Variants in PNPLA7 observed in about 807,000 individuals in gnomAD.
PNPLA7 encodes patatin-like phospholipase domain-containing protein 7.
Under a neutral mutation model 161.7 loss-of-function variants are expected in PNPLA7, and 153 were observed. The observed-to-expected ratio is 0.95, with a 90% CI of 0.83 to 1.08. PNPLA7 has a LOEUF of 1.08. Among genes scored for constraint, PNPLA7 ranks in the 50% least tolerant of loss-of-function variants. PNPLA7 has a pLI of 0.00. For synonymous variants in PNPLA7, 809 were observed against 782.1 expected (o/e 1.03, Z -0.57); for missense variants, 1,739 against 1,856.6 (o/e 0.94, Z 1.16).
chr9:137,505,519 GTCC>G, intron 14 of PNPLA7, 92 bp downstream of exon 14: 1 of 1,454,802 alleles, frequency 6.9e-7, no homozygotes, highest in South Asian at 1.3e-5. Flanking sequence ...TGCAGCCACT[GTCC>G]TCCACACCTG....
chr9:137,507,923 C>T (rs1309060412), intron 12 of PNPLA7, among the ~76,000 whole-genome samples: 5 of 152,034 alleles, frequency 3.3e-5, no homozygotes, highest in East Asian at 3.9e-4. Context: ...CCAGGTGCAG[C>T]GGCTCATGCC....
chr9:137,511,375 CTGG>C (rs1316734307), intron 12 of PNPLA7, among the ~76,000 whole-genome samples: 2 of 151,394 alleles, frequency 1.3e-5, no homozygotes, highest in Admixed American at 6.6e-5. Context: ...GGACCTTGGC[CTGG>C]TGGTAGCGCC....
chr9:137,472,189 C>T (rs1831736399), intron 25 of PNPLA7, among the ~76,000 whole-genome samples: 1 of 151,986 alleles, frequency 6.6e-6, no homozygotes, highest in South Asian at 2.1e-4. Context: ...TGTTGGGCCA[C>T]TGGATCTGAC....
Position 137,521,560 on chromosome 9 carries a change from G to A in PNPLA7, c.957+76C>T, listed in dbSNP as rs1834991198. On this transcript the variant is annotated intron_variant, in intron 10 of 34. Transcript: ENST00000406427. ...CTGCCCCACCAGGCACTGGGCGCCT[G>A]CCGTGCCAACCAATAGCTGTCCCGA... 7.6e-6 allele frequency: 11 copies of A among 1,455,106 alleles called. No individual in the cohort carries two copies. The East Asian group carries it at 2.1e-4, about 28-fold the overall frequency. 90.1% of individuals were successfully genotyped at this position (1,455,106 alleles called of 1,614,324 possible).
At position 137,479,245 on chromosome 9, in the gene PNPLA7, G is replaced by T; in HGVS notation, c.2581-7C>A. 1 of 1,523,560 alleles carries T rather than the reference G, an allele frequency of 6.6e-7. No individual in the cohort carries two copies. 94.4% of individuals were successfully genotyped at this position (1,523,560 alleles called of 1,614,324 possible). On this transcript the variant is annotated splice_region_variant and splice_polypyrimidine_tract_variant and intron_variant, in intron 23 of 34. Coordinates refer to ENST00000406427, the MANE Select transcript of PNPLA7 (RefSeq NM_001098537.3). ...TCTCCAGCATCCGCTCCAGCTGAAA[G>T]GCAGAGCCCACGTGTCTGCCAGCCG...
rs1279820308 is a variant in PNPLA7 at position 137,490,753 on chromosome 9, C to T, written c.2197+2260G>A. ...GAAAGAAGAGCAGGAGGACGGTGAC[C>T]CTGGGTGAACATCACAGACTATTCT... On this transcript the variant is annotated intron_variant, in intron 20 of 34. Coordinates refer to ENST00000406427, the MANE Select transcript of PNPLA7 (RefSeq NM_001098537.3). The surrounding 1 kb of genome is among the most constrained non-coding windows in gnomAD (Gnocchi z 4.1). 6.6e-6 allele frequency among the ~76,000 whole-genome samples: 1 copy of T among 152,160 alleles called. No homozygotes were observed. Among genetic ancestry groups the T allele is most frequent in the Non-Finnish European group, 1.5e-5 (1 of 68,040 alleles).
At chr9:137,501,797 C>T (rs1175005730) in intron 14 of PNPLA7, 70 bp from the exon 15 acceptor site, 4 of 1,493,186 alleles carry the variant, frequency 2.7e-6, no homozygotes, top group East Asian at 2.3e-5. Flanking sequence ...ACAGAGGCTG[C>T]ACTGGGCTGT....
chr9:137,490,684 C>T lies in PNPLA7; in HGVS notation c.2197+2329G>A, dbSNP rs1300205792. Among the ~76,000 whole-genome samples the T allele has an allele frequency of 2.6e-5, 4 of 152,186 alleles. No homozygotes were observed. The highest frequency in any genetic ancestry group is 5.9e-5 in the Non-Finnish European group (4 of 68,028). On this transcript the variant is annotated intron_variant, in intron 20 of 34. Coordinates refer to ENST00000406427, the MANE Select transcript of PNPLA7 (RefSeq NM_001098537.3). The surrounding 1 kb of genome is among the most constrained non-coding windows in gnomAD (Gnocchi z 4.1). Reference sequence around the variant, plus strand: ...AGAACCGCTAACCACAATTCTTCAACAGCAAGGAGACGAGCCCAGAAGGAA... The same window carrying T: ...AGAACCGCTAACCACAATTCTTCAATAGCAAGGAGACGAGCCCAGAAGGAA...
chr9:137,545,803 C>T (rs1243963786), intron 4 of PNPLA7, among the ~76,000 whole-genome samples: 1 of 152,220 alleles, frequency 6.6e-6, no homozygotes, highest in Non-Finnish European at 1.5e-5. Context: ...ACAGGGCCAC[C>T]AGAGGGCTCC....
chr9:137,521,816 T>G, intron 9 of PNPLA7, 100 bp from the exon 10 acceptor site: 1 of 979,214 alleles, frequency 1.0e-6, no homozygotes, highest in Non-Finnish European at 1.5e-6. Context: ...CCCCAAACCC[T>G]GCAGATGCCA....
At chr9:137,485,046 A>G (rs1310768140) in intron 20 of PNPLA7, among the ~76,000 whole-genome samples, 1 of 152,194 alleles carries the variant, frequency 6.6e-6, no homozygotes, top group Admixed American at 6.5e-5. Context: ...GTCCCCAGCC[A>G]TGTGGCTGCC....
intron 11 of PNPLA7, among the ~76,000 whole-genome samples, chr9:137,517,543 ACACT>A (rs1351503665): frequency 1.4e-5 from 1 of 73,022 alleles, no homozygotes; most frequent in Non-Finnish European, 3.0e-5. Context: ...ACTCCATCCC[ACACT>A]CACTCACTCC....
intron 11 of PNPLA7, among the ~76,000 whole-genome samples, chr9:137,517,002 C>T (rs1834613864): frequency 8.5e-6 from 1 of 117,588 alleles, no homozygotes; most frequent in Non-Finnish European, 1.8e-5. Flanking sequence ...CTGTCCACTC[C>T]ATCCCCCACT....
At chr9:137,485,130 C>T (rs940317749) in intron 20 of PNPLA7, among the ~76,000 whole-genome samples, 2 of 152,276 alleles carry the variant, frequency 1.3e-5, no homozygotes, top group Admixed American at 1.3e-4. Flanking sequence ...GATGAGCTGC[C>T]AGTCCACACC....
At chr9:137,461,849 C>T (rs1023561662) in intron 32 of PNPLA7, 82 bp downstream of exon 32, 1 of 1,403,320 alleles carries the variant, frequency 7.1e-7, no homozygotes, top group Admixed American at 2.3e-5. Flanking sequence ...CTGGGCGTGG[C>T]CTGATGAACT....
At chr9:137,509,575 G>A in intron 12 of PNPLA7, 2 of 327,422 alleles carry the variant, frequency 6.1e-6, no homozygotes, top group South Asian at 5.0e-5. Context: ...AGTTTAACTG[G>A]TGTGAGTGAG....
At position 137,547,275 on chromosome 9, in the gene PNPLA7, C is replaced by A; in HGVS notation, c.193+34G>T. Reference sequence around the variant, plus strand: ...CCAAGACACCCACGCTTTCCCCCAACCCCCCGGGCCAGAGTCGGAACCAAG... The same window carrying A: ...CCAAGACACCCACGCTTTCCCCCAAACCCCCGGGCCAGAGTCGGAACCAAG... On this transcript the variant is annotated intron_variant, in intron 3 of 34. Coordinates refer to ENST00000406427, the MANE Select transcript of PNPLA7 (RefSeq NM_001098537.3). This position sits in a 1 kb window ranked among gnomAD's most constrained non-coding sequence, Gnocchi z 4.6. 2 of 1,595,788 alleles carry A rather than the reference C, an allele frequency of 1.3e-6. No individual in the cohort carries two copies. Among genetic ancestry groups the A allele is most frequent in the African/African-American group, 1.3e-5 (1 of 74,652 alleles).
Position 137,547,182 on chromosome 9 carries a change from C to T in PNPLA7, c.193+127G>A, listed in dbSNP as rs1256016659. On this transcript the variant is annotated intron_variant, in intron 3 of 34. Transcript: ENST00000406427. This position sits in a 1 kb window ranked among gnomAD's most constrained non-coding sequence, Gnocchi z 4.6. ...CCGACGGGCTCAGCCTGAGCCCAGA[C>T]GGGCCATCAGATTCTAGCCAAAGCC... The T allele has an allele frequency of 6.2e-6, 6 of 965,892 alleles. No homozygotes were observed. Among genetic ancestry groups the T allele is most frequent in the African/African-American group, 4.9e-5 (3 of 61,800 alleles). 59.8% of individuals were successfully genotyped at this position (965,892 alleles called of 1,614,324 possible). A position where few individuals can be genotyped will look rare whatever the true frequency, so the allele number is the denominator to read the frequency against.
rs146089848 is a variant in PNPLA7 at position 137,484,777 on chromosome 9, C to A, written c.2198-41G>T. Reference sequence around the variant, plus strand: ...CCCACGTCAGCTGGGACAGCCCACACGCTCACAGATGCCTCCAGATGCCCT... The same window carrying A: ...CCCACGTCAGCTGGGACAGCCCACAAGCTCACAGATGCCTCCAGATGCCCT... On this transcript the variant is annotated intron_variant, in intron 20 of 34. Coordinates refer to ENST00000406427, the MANE Select transcript of PNPLA7 (RefSeq NM_001098537.3). 14 of 1,547,532 alleles carry A rather than the reference C, an allele frequency of 9.0e-6. No homozygotes were observed. In the South Asian group the frequency reaches 1.3e-4, roughly 15 times the overall value.
Sources: allele counts gnomAD v4.1 joint callset (sites outside exome capture counted in the v4.1 genomes callset), GRCh38; gene constraint gnomAD v4.1.1; non-coding constraint Gnocchi (gnomAD v3.1); transcripts MANE v1.5; gene names NCBI Gene and HGNC (gene_info 2026-07-23, HGNC 2026-07-21).